The following CASP4 variants were observed in gnomAD, a reference collection of about 807,000 sequenced individuals.
CASP4 encodes caspase 4.
CASP4 carries 29 observed loss-of-function variants against 41.3 expected under a neutral mutation model. That is an observed-to-expected ratio of 0.70 (90% CI 0.52 to 0.96). The LOEUF is 0.96. CASP4 is among the 40% of genes least tolerant of loss of function. The pLI is 0.00. For synonymous variants in CASP4, 185 were observed against 158.4 expected, an observed-to-expected ratio of 1.17 and a Z score of -1.26; for missense variants, 447 against 460.6, an observed-to-expected ratio of 0.97 and a Z score of 0.27.
chr11:104,943,271 C>G (rs1860368954), intron 8 of CASP4: 1 of 255,806 alleles, frequency 3.9e-6, no homozygotes, highest in Non-Finnish European at 7.7e-6. Flanking sequence ...CACTGCTTCT[C>G]CTAATTTGTC....
rs115396770 is a variant in CASP4 at position 104,954,482 on chromosome 11, T to G, written c.262+265A>C. 3.9e-3 allele frequency among the ~76,000 whole-genome samples: 599 copies of G among 152,276 alleles called. 8 individuals are homozygous for G. Among genetic ancestry groups the G allele is most frequent in the African/African-American group, 0.014 (583 of 41,544 alleles). On this transcript the variant is annotated intron_variant, in intron 2 of 8. Coordinates refer to ENST00000444739, the MANE Select transcript of CASP4 (RefSeq NM_001225.4). The stretch of plus-strand genomic sequence containing the variant: ...CACAGGTGACAGAATCTAGGTTTAG[T>G]TCTATGTGTCCCTTACTACAAGGTG...
chr11:104,968,446 G>A (rs1370192396), intron 1 of CASP4, 73 bp downstream of exon 1: 10 of 1,350,400 alleles, frequency 7.4e-6, no homozygotes, highest in African/African-American at 1.4e-5. Context: ...CCTTTCTTGT[G>A]TTTATTTCAG....
intron 7 of CASP4, among the ~76,000 whole-genome samples, chr11:104,945,252 C>CTTT (rs150869769): frequency 4.9e-5 from 7 of 142,468 alleles, no homozygotes; most frequent in African/African-American, 1.6e-4. Flanking sequence ...TCTTATCTTT[C>CTTT]TTTTTTTTTT....
intron 2 of CASP4, among the ~76,000 whole-genome samples, chr11:104,952,992 C>T (rs1860652080): frequency 6.6e-6 from 1 of 152,208 alleles, no homozygotes; most frequent in Non-Finnish European, 1.5e-5. Context: ...CCTGTTTCCA[C>T]TTCACTTACA....
intron 1 of CASP4, among the ~76,000 whole-genome samples, chr11:104,966,137 T>G (rs942863732): frequency 6.6e-6 from 1 of 152,208 alleles, no homozygotes; most frequent in African/African-American, 2.4e-5. Context: ...TGAATTACTC[T>G]TACGCCATTG....
chr11:104,944,487 A>G (rs1860404661), intron 8 of CASP4: 1 of 390,946 alleles, frequency 2.6e-6, no homozygotes, highest in Non-Finnish European at 4.7e-6. Flanking sequence ...AATAATTACT[A>G]TCCTTGGTTT....
At chr11:104,944,625 C>G in intron 8 of CASP4, 123 bp downstream of exon 8, 1 of 639,352 alleles carries the variant, frequency 1.6e-6, no homozygotes. Context: ...AATCACCAGA[C>G]TATATCAACA....
intron 1 of CASP4, among the ~76,000 whole-genome samples, chr11:104,957,786 A>G (rs187750671): frequency 2.6e-4 from 40 of 152,204 alleles, no homozygotes; most frequent in Admixed American, 7.2e-4. Context: ...CAAATCCTAA[A>G]ATTTATATGG....
chr11:104,961,394 G>A (rs1860855346), intron 1 of CASP4, among the ~76,000 whole-genome samples: 1 of 152,074 alleles, frequency 6.6e-6, no homozygotes, highest in Non-Finnish European at 1.5e-5. Context: ...GTGTCTGTCT[G>A]TAGCCCCATT....
At chr11:104,958,694 C>G (rs887695113) in intron 1 of CASP4, among the ~76,000 whole-genome samples, 3 of 152,136 alleles carry the variant, frequency 2.0e-5, no homozygotes, top group Non-Finnish European at 4.4e-5. Flanking sequence ...TGCGCAGTGG[C>G]TCACGACTGT....
At chr11:104,961,914 A>G (rs1215860064) in intron 1 of CASP4, among the ~76,000 whole-genome samples, 1 of 152,152 alleles carries the variant, frequency 6.6e-6, no homozygotes, top group Non-Finnish European at 1.5e-5. Flanking sequence ...TGCCTTACCC[A>G]GAGACCCCAT....
chr11:104,945,731 T>C (rs1860442432), intron 7 of CASP4, among the ~76,000 whole-genome samples: 1 of 152,186 alleles, frequency 6.6e-6, no homozygotes, highest in South Asian at 2.1e-4. Context: ...CTCCCACTTA[T>C]CCAAGAAGAT....
At position 104,942,868 on chromosome 11, in the gene CASP4, C is replaced by T. The variant is rs899354280; in HGVS notation, c.*111G>A. On this transcript the variant is annotated 3_prime_UTR_variant, in exon 9 of 9. Coordinates refer to ENST00000444739, the MANE Select transcript of CASP4 (RefSeq NM_001225.4). ...TTCTCTATTAGAAAAAGACACAGTT[C>T]GTTTGTCTTCACTTTTATTGAAATA... is the stretch of plus-strand genomic sequence containing the variant. 3.1e-5 allele frequency: 14 copies of T among 455,976 alleles called. No homozygotes were observed. The highest frequency in any genetic ancestry group is 1.2e-4 in the Admixed American group (5 of 42,530). The allele number at this position is 455,976 out of a possible 1,614,324, so 28.2% of individuals were successfully genotyped here.
intron 1 of CASP4, among the ~76,000 whole-genome samples, chr11:104,961,754 G>A (rs371369045): frequency 3.9e-5 from 6 of 152,146 alleles, no homozygotes; most frequent in African/African-American, 9.7e-5. Flanking sequence ...TCTCATCTTC[G>A]TGTGTGTTTG....
intron 4 of CASP4, among the ~76,000 whole-genome samples, chr11:104,950,515 G>A (rs1860580971): frequency 6.6e-6 from 1 of 151,990 alleles, no homozygotes; most frequent in Non-Finnish European, 1.5e-5. Flanking sequence ...TGCTGGCTGG[G>A]AACTTCCTGT....
intron 6 of CASP4, chr11:104,948,302 TA>T (rs917690410): frequency 3.9e-5 from 13 of 330,870 alleles, no homozygotes; most frequent in African/African-American, 1.5e-4. Context: ...ATGGGCTTAA[TA>T]AAAAAAACAG....
In CASP4 at chr11:104,948,672, G is replaced by T. The variant is rs1347908050; in HGVS notation, c.786C>A (p.Asn262Lys). Reference protein sequence around the residue: ...VIIVQACRGANRGELWVRDSP... With the variant: ...VIIVQACRGAKRGELWVRDSP... ...AGTCTCTGACCCACAGTTCCCCACG[G>T]TTTGCTATGGAGACATTAACTTTCT... is the stretch of plus-strand genomic sequence containing the variant. The change falls in exon 6 of 9, where the codon AAC (asparagine) becomes AAA (lysine). Residue 262 changes from asparagine (N) to lysine (K), a missense_variant. Coordinates refer to ENST00000444739, the MANE Select transcript of CASP4 (RefSeq NM_001225.4). The T allele has an allele frequency of 1.3e-6, 2 of 1,599,554 alleles. No homozygotes were observed. Among genetic ancestry groups the T allele is most frequent in the Non-Finnish European group, 1.7e-6 (2 of 1,170,542 alleles).
chr11:104,950,823 C>CACACACACAT, intron 4 of CASP4, 102 bp downstream of exon 4: 2 of 1,056,818 alleles, frequency 1.9e-6, no homozygotes, highest in Admixed American at 2.2e-5. Flanking sequence ...CACACACACA[C>CACACACACAT]CCAAAGGTTG....
At chr11:104,964,083 C>T (rs1303096614) in intron 1 of CASP4, among the ~76,000 whole-genome samples, 1 of 152,120 alleles carries the variant, frequency 6.6e-6, no homozygotes, top group East Asian at 1.9e-4. Flanking sequence ...AATTGTTATA[C>T]AAAATTGTTG....
Sources: allele counts gnomAD v4.1 joint callset (sites outside exome capture counted in the v4.1 genomes callset), GRCh38; gene constraint gnomAD v4.1.1; transcripts MANE v1.5; gene names NCBI Gene and HGNC (gene_info 2026-07-23, HGNC 2026-07-21).